MYO15A: variants seen among roughly 807,000 people sequenced by gnomAD.
MYO15A encodes unconventional myosin-XV.
A neutral mutation model predicts 394.6 loss-of-function variants in MYO15A; 308 were observed. The ratio of observed to expected loss-of-function variants is 0.78; its 90% CI spans 0.71 to 0.86. The LOEUF is 0.86. Among genes scored for constraint, MYO15A ranks in the 40% least tolerant of loss-of-function variants. The probability of loss-of-function intolerance (pLI) is 0.00; values close to 1 mark genes in which losing one functional copy is unlikely to be tolerated. For missense variants in MYO15A, 4,606 were observed against 4,799.1 expected (o/e 0.96, Z 1.19); for synonymous variants, 1,957 against 2,003.8 (o/e 0.98, Z 0.62).
At position 18,119,400 on chromosome 17, in the gene MYO15A, C is replaced by T. The variant is rs760331617; in HGVS notation, c.600C>T (p.Gly200=). The T allele has an allele frequency of 1.9e-6, 3 of 1,611,362 alleles. No homozygotes were observed. The highest frequency in any genetic ancestry group is 1.7e-5 in the Admixed American group (1 of 59,990). Residue 200 remains glycine, a synonymous_variant, in exon 2 of 66, where the codon GGC becomes GGT. Coordinates refer to ENST00000647165, the MANE Select transcript of MYO15A (RefSeq NM_016239.4). ...FPRSRSIYAS[G]EPLGFLPFED... ...GCAGCCGCAGCATCTACGCGTCAGGCGAGCCCCTGGGCTTCCTGCCCTTCG... is the reference window on the plus strand; with the variant it reads ...GCAGCCGCAGCATCTACGCGTCAGGTGAGCCCCTGGGCTTCCTGCCCTTCG...
chr17:18,168,984 G>C (rs2046897243), intron 62 of MYO15A, among the ~76,000 whole-genome samples: 1 of 150,496 alleles, frequency 6.6e-6, no homozygotes, highest in African/African-American at 2.4e-5. Flanking sequence ...GTAGTGGCGG[G>C]TGCCTGTAAT....
At chr17:18,156,053 T>G (rs900670565) in intron 47 of MYO15A, 142 bp from the exon 48 acceptor site, 1 of 1,310,772 alleles carries the variant, frequency 7.6e-7, no homozygotes, top group African/African-American at 1.5e-5. Flanking sequence ...AGCAGGAAGC[T>G]TAGGGTTCTG....
At chr17:18,162,303 G>A (rs909536975) in intron 57 of MYO15A, among the ~76,000 whole-genome samples, 21 of 152,164 alleles carry the variant, frequency 1.4e-4, no homozygotes, top group Admixed American at 2.6e-4. Flanking sequence ...GGGTGACAGC[G>A]GTTTCCAGGC....
intron 64 of MYO15A, 143 bp downstream of exon 64, chr17:18,172,433 C>T (rs941738967): frequency 2.4e-6 from 3 of 1,257,786 alleles, no homozygotes; most frequent in Non-Finnish European, 3.4e-6. Flanking sequence ...CTCTTCCCTC[C>T]TCTGAGCCTT....
intron 47 of MYO15A, 123 bp downstream of exon 47, chr17:18,155,555 T>C (rs2046662018): frequency 5.2e-6 from 5 of 958,646 alleles, no homozygotes; most frequent in Admixed American, 3.7e-5. Context: ...TGCCAAGCCA[T>C]TGAAGCAAAC....
Position 18,119,762 on chromosome 17 carries a change from G to C in MYO15A, c.962G>C (p.Gly321Ala), listed in dbSNP as rs781392632. 1.2e-6 allele frequency: 2 copies of C among 1,612,906 alleles called. No homozygotes were observed. The highest frequency in any genetic ancestry group is 3.3e-5 in the Admixed American group (2 of 60,020). Residue 321 changes from glycine to alanine, a missense_variant, in exon 2 of 66, where the codon GGG (glycine) becomes GCG (alanine). Gly to Ala is a moderately conservative substitution (Grantham distance 60). Coordinates refer to ENST00000647165, the MANE Select transcript of MYO15A (RefSeq NM_016239.4). ...DYEPPYAPPSGYSSPYSYHDG... is the reference protein window; with the variant it reads ...DYEPPYAPPSAYSSPYSYHDG... ...GAACCCCCATATGCGCCCCCGTCGG[G>C]GTACTCGTCTCCTTACAGCTACCAC...
rs781546107 is a variant in MYO15A at position 18,122,305 on chromosome 17, C to T, written c.3505C>T (p.Arg1169Ter). ...LRADAYGPWP[R>*]VHTHPQSCHL... is the part of the protein sequence containing the mutation. The stretch of plus-strand genomic sequence containing the variant: ...GGCAGATGCCTATGGACCCTGGCCA[C>T]GAGTACACACCCATCCCCAGTCCTG... The change falls in exon 2 of 66, where the codon CGA (arginine) becomes TGA (stop). Residue 1169 changes from arginine (R) to a stop codon, truncating the protein, a stop_gained. Transcript: ENST00000647165. LOFTEE classifies it high-confidence loss of function. 5 of 1,613,028 alleles carry T rather than the reference C, an allele frequency of 3.1e-6. No individual in the cohort carries two copies. The Admixed American group carries it at 5.0e-5, about 16-fold the overall frequency.
chr17:18,178,843 GC>G lies in MYO15A; in HGVS notation c.10572del (p.Ser3525AlafsTer29). 1.9e-6 allele frequency: 3 copies of G among 1,613,458 alleles called. No homozygotes were observed. The highest frequency in any genetic ancestry group is 1.7e-5 in the Admixed American group (1 of 59,996). On this transcript the variant is annotated frameshift_variant, in exon 66 of 66. Transcript: ENST00000647165. LOFTEE classifies it high-confidence loss of function. ...GTGCCCATGAGAAGCGGCTCACATT[GC>G]CCCCCAGCGAGATCACCCTGCTCTG... ...LSAHEKRLTL[P>X]PSEITLL
chr17:18,118,506 C>T, intron 1 of MYO15A, 76 bp from the exon 2 acceptor site: 2 of 477,770 alleles, frequency 4.2e-6, no homozygotes, highest in Non-Finnish European at 7.6e-6. Context: ...CAGAATGTCT[C>T]CCCCAGCACA....
Position 18,126,454 on chromosome 17 carries a change from C to T in MYO15A, c.3864C>T (p.Pro1288=). The T allele has an allele frequency of 1.2e-6, 2 of 1,613,624 alleles. No homozygotes were observed. The highest frequency in any genetic ancestry group is 2.2e-5 in the East Asian group (1 of 44,880). The change falls in exon 5 of 66, where the codon CCC becomes CCT. Residue 1288 remains proline (P), a splice_region_variant and synonymous_variant. Transcript: ENST00000647165. ...ACGGACGGGCCCTGGGAGAGAATCC[C>T]CCGTGAGTGTCTCGGGGGCGCTGCC... The part of the protein sequence containing the change: ...QYNGRALGEN[P]PHLFAVANLA...
intron 65 of MYO15A, among the ~76,000 whole-genome samples, chr17:18,174,519 G>C (rs2046986555): frequency 1.3e-5 from 2 of 152,152 alleles, no homozygotes; most frequent in African/African-American, 4.8e-5. Flanking sequence ...CGGGAGGATT[G>C]CTTGAGCCCA....
chr17:18,138,327 T>G, intron 17 of MYO15A, 81 bp downstream of exon 17: 2 of 1,520,372 alleles, frequency 1.3e-6, no homozygotes, highest in Non-Finnish European at 1.8e-6. Context: ...GACTCCTTCA[T>G]TCCTCTCTGC....
chr17:18,141,750 T>C lies in MYO15A; in HGVS notation c.5629T>C (p.Tyr1877His). The C allele has an allele frequency of 6.2e-7, 1 of 1,614,054 alleles. No homozygotes were observed. Among genetic ancestry groups the C allele is most frequent in the Non-Finnish European group, 8.5e-7 (1 of 1,180,008 alleles). The change falls in exon 23 of 66, where the codon TAC (tyrosine) becomes CAC (histidine). Residue 1877 changes from tyrosine (Y) to histidine (H), a missense_variant. By Grantham distance (83) the Tyr-to-His change is moderately conservative. This residue lies in a region of MYO15A where 2,776 missense variants were observed against 3,109.3 expected (regional missense o/e 0.89). Transcript: ENST00000647165. ...SRLCKVMPNM[Y>H]RVGVSKLFLK... Reference sequence around the variant, plus strand: ...CCTGTGCAAAGTCATGCCAAACATGTACCGTGTTGGGGTCAGCAAGGTGAG... The same window carrying C: ...CCTGTGCAAAGTCATGCCAAACATGCACCGTGTTGGGGTCAGCAAGGTGAG...
rs755013964 is a variant in MYO15A, at chr17:18,140,835, G to A, written c.5406+3G>A. 13 of 1,613,962 alleles carry A rather than the reference G, an allele frequency of 8.1e-6. No homozygotes were observed. In the South Asian group the frequency reaches 1.4e-4, roughly 18 times the overall value. Reference sequence around the variant, plus strand: ...GCCTGAAGCCCAACCACAAGAAGGTGAGTGAGAGCTGAGGCCTCTGAGAGA... The same window carrying A: ...GCCTGAAGCCCAACCACAAGAAGGTAAGTGAGAGCTGAGGCCTCTGAGAGA... On this transcript the variant is annotated splice_donor_region_variant and intron_variant, in intron 21 of 65. Coordinates refer to ENST00000647165, the MANE Select transcript of MYO15A (RefSeq NM_016239.4).
Position 18,147,026 on chromosome 17 carries a change from C to G in MYO15A, c.6509+919C>G, listed in dbSNP as rs925222653. On this transcript the variant is annotated intron_variant, in intron 30 of 65. Transcript: ENST00000647165. This position sits in a 1 kb window ranked among gnomAD's most constrained non-coding sequence, Gnocchi z 4.4. ...AAAGTGCTTAGAACAGAGAGGGGCACATGGTAGGTGCTATGTGGGTATAAC... is the reference window on the plus strand; with the variant it reads ...AAAGTGCTTAGAACAGAGAGGGGCAGATGGTAGGTGCTATGTGGGTATAAC... 6.6e-6 allele frequency among the ~76,000 whole-genome samples: 1 copy of G among 152,154 alleles called. No individual in the cohort carries two copies. Among genetic ancestry groups the G allele is most frequent in the Non-Finnish European group, 1.5e-5 (1 of 68,028 alleles).
At position 18,132,583 on chromosome 17, in the gene MYO15A, A is replaced by G; in HGVS notation, c.4320+17A>G. ...CTGAACCAGGTGAGTGCCAGCAGGC[A>G]TCTGAAGGCCCCTGGCCCTGGTCCT... is the stretch of plus-strand genomic sequence containing the variant. On this transcript the variant is annotated intron_variant, in intron 11 of 65. Coordinates refer to ENST00000647165, the MANE Select transcript of MYO15A (RefSeq NM_016239.4). This position sits in a 1 kb window ranked among gnomAD's most constrained non-coding sequence, Gnocchi z 4.6. 6.2e-7 allele frequency: 1 copy of G among 1,600,496 alleles called. No homozygotes were observed.
intron 45 of MYO15A, 44 bp downstream of exon 45, chr17:18,154,799 G>C (rs547534294): frequency 1.9e-5 from 31 of 1,595,472 alleles, no homozygotes; most frequent in African/African-American, 2.7e-5. Flanking sequence ...CAACCAGTCA[G>C]AGGCACAGCC....
At chr17:18,145,839 T>C in intron 29 of MYO15A, 33 bp from the exon 30 acceptor site, 3 of 1,607,774 alleles carry the variant, frequency 1.9e-6, no homozygotes, top group Non-Finnish European at 2.6e-6. Flanking sequence ...AACAACTTTC[T>C]GAGATGCCCA....
At chr17:18,116,128 C>A (rs1479194414) in intron 1 of MYO15A, among the ~76,000 whole-genome samples, 1 of 152,214 alleles carries the variant, frequency 6.6e-6, no homozygotes, top group African/African-American at 2.4e-5. Context: ...GCTCAGGACC[C>A]TTAGGGAAAG....
Sources: gnomAD v4.1 joint callset for allele counts (sites outside exome capture counted in the v4.1 genomes callset) on GRCh38, gnomAD v4.1.1 for gene constraint, gnomAD v4.1.1 regional missense constraint, Gnocchi (gnomAD v3.1) non-coding constraint, MANE v1.5 for transcripts, NCBI Gene and HGNC (gene_info 2026-07-23, HGNC 2026-07-21) for gene names.